Variants in GOLGA1 observed in about 807,000 individuals in gnomAD.
GOLGA1 encodes golgin subfamily A member 1.
A neutral mutation model predicts 119.7 loss-of-function variants in GOLGA1; 63 were observed. The ratio of observed to expected loss-of-function variants is 0.53; its 90% CI spans 0.43 to 0.65. GOLGA1 has a LOEUF of 0.65. Ranked by LOEUF, GOLGA1 falls within the 30% of genes least tolerant of loss-of-function variation. The pLI, the probability that GOLGA1 is intolerant of heterozygous loss-of-function variation, is 0.00. For missense variants in GOLGA1, 798 were observed against 912.8 expected (o/e 0.87, Z 1.62); for synonymous variants, 318 against 333.4 (o/e 0.95, Z 0.50).
rs1013406908 is a variant in GOLGA1 at position 124,924,974 on chromosome 9, G to A, written c.432+1735C>T. 7.9e-5 allele frequency among the ~76,000 whole-genome samples: 12 copies of A among 152,142 alleles called. No homozygotes were observed. The East Asian group carries it at 1.7e-3, about 22-fold the overall frequency. On this transcript the variant is annotated intron_variant, in intron 7 of 22. Coordinates refer to ENST00000373555, the MANE Select transcript of GOLGA1 (RefSeq NM_002077.4). ...GGGTGCCTGTAGTCCCAGCTACTTG[G>A]GAGGCTGAGGCAGGAGAATGGAGTA...
At chr9:124,937,396 T>C (rs1830895330) in intron 3 of GOLGA1, among the ~76,000 whole-genome samples, 1 of 151,914 alleles carries the variant, frequency 6.6e-6, no homozygotes, top group Non-Finnish European at 1.5e-5. Context: ...GAGGTTGCAG[T>C]GAGCCGAGAT....
Position 124,908,468 on chromosome 9 carries a change from G to A in GOLGA1, c.974C>T (p.Thr325Ile). The A allele has an allele frequency of 6.4e-7, 1 of 1,573,422 alleles. No homozygotes were observed. The highest frequency in any genetic ancestry group is 8.8e-7 in the Non-Finnish European group (1 of 1,142,842). Residue 325 changes from threonine (T) to isoleucine (I), a missense_variant, in exon 12 of 23, where the codon ACA (threonine) becomes ATA (isoleucine). Thr to Ile is a moderately conservative substitution (Grantham distance 89, BLOSUM62 -1). Coordinates refer to ENST00000373555, the MANE Select transcript of GOLGA1 (RefSeq NM_002077.4). ...ATCCTCCAAATTCTGCTCAGCAAGT[G>A]TTTTCTGTAAGTTGAAAGAAGAGTA... ...EHLQELLKEK[T>I]LAEQNLEDTR... is the part of the protein sequence containing the mutation.
chr9:124,938,312 G>A (rs1830920532), intron 3 of GOLGA1, among the ~76,000 whole-genome samples: 1 of 152,002 alleles, frequency 6.6e-6, no homozygotes, highest in Admixed American at 6.6e-5. Flanking sequence ...GATGTATAAG[G>A]TATATAGACG....
intron 22 of GOLGA1, 43 bp from the exon 23 acceptor site, chr9:124,880,653 C>T: frequency 7.8e-7 from 1 of 1,274,792 alleles, no homozygotes. Context: ...CAAATCAGGA[C>T]TTGGTGCCAG....
intron 2 of GOLGA1, among the ~76,000 whole-genome samples, chr9:124,939,762 G>A (rs1205885612): frequency 1.3e-5 from 2 of 151,752 alleles, no homozygotes; most frequent in African/African-American, 2.4e-5. Context: ...AGGTTTCTCC[G>A]TGTTGGTCAG....
chr9:124,898,500 T>C (rs765420425), intron 15 of GOLGA1, 49 bp downstream of exon 15: 4 of 1,045,188 alleles, frequency 3.8e-6, no homozygotes, highest in South Asian at 1.3e-5. Flanking sequence ...AATACACATG[T>C]AGAAAACATG....
intron 6 of GOLGA1, 123 bp downstream of exon 6, chr9:124,928,065 A>G: frequency 1.9e-6 from 1 of 519,674 alleles, no homozygotes; most frequent in Non-Finnish European, 3.4e-6. Context: ...ACCTTAACGA[A>G]CTTTTAACAT....
At chr9:124,913,397 C>A (rs1688021975) in intron 10 of GOLGA1, among the ~76,000 whole-genome samples, 1 of 152,184 alleles carries the variant, frequency 6.6e-6, no homozygotes, top group Admixed American at 6.5e-5. Flanking sequence ...GCAACAAAAT[C>A]TCACTGTGAA....
chr9:124,909,325 G>C (rs1830292949), intron 11 of GOLGA1, among the ~76,000 whole-genome samples: 1 of 150,078 alleles, frequency 6.7e-6, no homozygotes, highest in South Asian at 2.1e-4. Flanking sequence ...AAAAAAAATG[G>C]GGCTGGGAGC....
chr9:124,908,210 T>C (rs1830270472), intron 12 of GOLGA1, among the ~76,000 whole-genome samples, 167 bp downstream of exon 12: 1 of 152,136 alleles, frequency 6.6e-6, no homozygotes, highest in South Asian at 2.1e-4. Context: ...ATCATAGTAA[T>C]GTGACAAGGA....
In GOLGA1 at chr9:124,946,918, G is replaced by A. The variant is rs1412811220; in HGVS notation, c.-156+1000C>T. ...TCCAGTAAGAAAAAATCTGTAGCCG[G>A]AAATGCCAAGACAGGACTAAATTAA... is the stretch of plus-strand genomic sequence containing the variant. On this transcript the variant is annotated intron_variant, in intron 1 of 4. Coordinates refer to the GOLGA1 transcript ENST00000421514. This position sits in a 1 kb window ranked among gnomAD's most constrained non-coding sequence, Gnocchi z 4.0. The A allele has an allele frequency of 6.6e-6, 1 of 152,168 alleles. No homozygotes were observed. The highest frequency in any genetic ancestry group is 6.5e-5 in the Admixed American group (1 of 15,268). 9.4% of individuals were successfully genotyped at this position (152,168 alleles called of 1,614,324 possible).
intron 1 of GOLGA1, chr9:124,947,145 T>G (rs1455838848): frequency 1.3e-5 from 2 of 152,230 alleles, no homozygotes; most frequent in Admixed American, 1.3e-4. Flanking sequence ...TTTCCCCTAT[T>G]TAATGGACAT....
Position 124,882,558 on chromosome 9 carries a change from C to CT in GOLGA1, c.1916dup (p.Met640AspfsTer22). ...GGAGCTCCAGCATCCGCTGCTGCAT[C>CT]TGCTTTATGGTCTGCGACAAGCCCC... is the stretch of plus-strand genomic sequence containing the variant. On this transcript the variant is annotated frameshift_variant, in exon 20 of 23. Transcript: ENST00000373555. LOFTEE classifies it high-confidence loss of function. 1 of 1,612,522 alleles carries CT rather than the reference C, an allele frequency of 6.2e-7. No homozygotes were observed. Among genetic ancestry groups the CT allele is most frequent in the Non-Finnish European group, 8.5e-7 (1 of 1,179,718 alleles).
chr9:124,887,853 A>G, intron 19 of GOLGA1, among the ~76,000 whole-genome samples: 1 of 152,200 alleles, frequency 6.6e-6, no homozygotes, highest in East Asian at 1.9e-4. Flanking sequence ...AAATACCTTC[A>G]TTTCATAACC....
chr9:124,915,271 T>C (rs1372388261), intron 10 of GOLGA1, among the ~76,000 whole-genome samples: 1 of 152,156 alleles, frequency 6.6e-6, no homozygotes, highest in Non-Finnish European at 1.5e-5. Flanking sequence ...TACTATCACC[T>C]GTAAAATAGG....
At chr9:124,912,363 C>T (rs925244286) in intron 10 of GOLGA1, among the ~76,000 whole-genome samples, 1 of 151,998 alleles carries the variant, frequency 6.6e-6, no homozygotes, top group East Asian at 1.9e-4. Flanking sequence ...TGGAACAATG[C>T]TCCTGAAAGC....
At chr9:124,892,289 A>G (rs1482593749) in intron 15 of GOLGA1, among the ~76,000 whole-genome samples, 3 of 152,048 alleles carry the variant, frequency 2.0e-5, no homozygotes, top group Admixed American at 2.0e-4. Flanking sequence ...TTCTGTGCTT[A>G]TATTTGTTAT....
chr9:124,939,154 T>A (rs990112826), intron 2 of GOLGA1, among the ~76,000 whole-genome samples: 1 of 152,066 alleles, frequency 6.6e-6, no homozygotes, highest in East Asian at 1.9e-4. Flanking sequence ...TTTTTTTTTT[T>A]AATTACATGT....
chr9:124,941,073 G>C lies in GOLGA1; in HGVS notation c.-308C>G, dbSNP rs1431919087. The C allele has an allele frequency of 6.6e-6, 1 of 152,236 alleles. No homozygotes were observed. The allele number at this position is 152,236 out of a possible 1,614,324, so 9.4% of individuals were successfully genotyped here. On this transcript the variant is annotated 5_prime_UTR_variant, in exon 1 of 23. Coordinates refer to ENST00000373555, the MANE Select transcript of GOLGA1 (RefSeq NM_002077.4). ...CCGCCCAGCCGGCGAGCCGAGCAGC[G>C]ACCCGGAACCGCACGTCTCCCAGCG... is the stretch of plus-strand genomic sequence containing the variant.
Sources: allele counts gnomAD v4.1 joint callset (sites outside exome capture counted in the v4.1 genomes callset), GRCh38; gene constraint gnomAD v4.1.1; non-coding constraint Gnocchi (gnomAD v3.1); transcripts MANE v1.5; gene names NCBI Gene and HGNC (gene_info 2026-07-23, HGNC 2026-07-21).